The following LUC7L variants were observed in gnomAD, a reference collection of about 807,000 sequenced individuals.
The protein encoded by LUC7L is LUC7 like.
LUC7L carries 29 observed loss-of-function variants against 51.1 expected under a neutral mutation model. The observed-to-expected ratio is 0.57, with a 90% CI of 0.42 to 0.77. The LOEUF (loss-of-function observed/expected upper bound fraction) is 0.77, where lower values mean the gene tolerates loss of function less well. Ranked by LOEUF, LUC7L falls within the 30% of genes least tolerant of loss-of-function variation. The pLI is 0.00. For synonymous variants in LUC7L, 181 were observed against 180.7 expected, an observed-to-expected ratio of 1.00 and a Z score of -0.01; for missense variants, 403 against 511.9, an observed-to-expected ratio of 0.79 and a Z score of 2.05.
intron 3 of LUC7L, among the ~76,000 whole-genome samples, chr16:218,564 T>C (rs2049875267): frequency 6.6e-6 from 1 of 151,686 alleles, no homozygotes; most frequent in African/African-American, 2.4e-5. Context: ...CTACTAAAAA[T>C]ACAAAAATCA....
chr16:190,697 T>G (rs2142033606), intron 7 of LUC7L, 127 bp from the exon 8 acceptor site: 2 of 805,494 alleles, frequency 2.5e-6, no homozygotes, highest in South Asian at 1.5e-5. Flanking sequence ...CTGGACAACG[T>G]GGTGAAACCC....
intron 2 of LUC7L, among the ~76,000 whole-genome samples, chr16:226,109 A>G (rs1338156295): frequency 6.6e-6 from 1 of 152,208 alleles, no homozygotes; most frequent in Non-Finnish European, 1.5e-5. Flanking sequence ...ATCCCAGGCC[A>G]AACAGCAGAC....
intron 6 of LUC7L, among the ~76,000 whole-genome samples, chr16:198,049 G>A (rs942884751): frequency 1.3e-4 from 19 of 151,812 alleles, no homozygotes; most frequent in South Asian, 2.1e-4. Flanking sequence ...CGGGCGGATC[G>A]CGAGGTCAGG....
In LUC7L at chr16:189,150, G is replaced by C. The variant is rs1390108968; in HGVS notation, c.*48C>G. ...TCAGCAAATATAAAGGGTAATTTTA[G>C]ACTGTGTGAACGTTTATCAGACTAT... On this transcript the variant is annotated 3_prime_UTR_variant, in exon 10 of 10. Coordinates refer to ENST00000293872, the MANE Select transcript of LUC7L (RefSeq NM_201412.3). 2.6e-6 allele frequency: 4 copies of C among 1,545,962 alleles called. No homozygotes were observed. Among genetic ancestry groups the C allele is most frequent in the Non-Finnish European group, 3.5e-6 (4 of 1,134,848 alleles).
intron 1 of LUC7L, chr16:227,758 A>G: frequency 9.9e-7 from 1 of 1,006,058 alleles, no homozygotes; most frequent in Non-Finnish European, 1.2e-6. Flanking sequence ...TTTGTTATGA[A>G]CAAATGCAGA....
At chr16:227,475 C>G (rs1037562805) in intron 1 of LUC7L, 139 bp from the exon 2 acceptor site, 111 of 1,461,958 alleles carry the variant, frequency 7.6e-5, no homozygotes, top group Non-Finnish European at 8.8e-5. Flanking sequence ...AAAAGCTGAT[C>G]TAAAGATATT....
intron 2 of LUC7L, among the ~76,000 whole-genome samples, chr16:224,935 T>C (rs1220615692): frequency 6.6e-6 from 1 of 152,220 alleles, no homozygotes; most frequent in Admixed American, 6.5e-5. Flanking sequence ...GCTTGGGTTC[T>C]ATGATTACCC....
At chr16:222,732 G>A (rs908138877) in intron 2 of LUC7L, among the ~76,000 whole-genome samples, 6 of 150,916 alleles carry the variant, frequency 4.0e-5, no homozygotes, top group Admixed American at 2.0e-4. Flanking sequence ...CCAGGTTCAA[G>A]CGATTCTCCT....
chr16:214,571 G>C (rs1443939628), intron 3 of LUC7L, among the ~76,000 whole-genome samples: 1 of 152,026 alleles, frequency 6.6e-6, no homozygotes, highest in Non-Finnish European at 1.5e-5. Context: ...CTGTTCTCCA[G>C]GCTGGAGCAC....
chr16:195,156 G>A (rs1009123743), intron 6 of LUC7L, among the ~76,000 whole-genome samples: 11 of 152,188 alleles, frequency 7.2e-5, no homozygotes, highest in South Asian at 4.2e-4. Flanking sequence ...AGCCAGGTAC[G>A]GTGGCTCATG....
At chr16:225,816 A>G (rs1214273644) in intron 2 of LUC7L, among the ~76,000 whole-genome samples, 1 of 134,456 alleles carries the variant, frequency 7.4e-6, no homozygotes, top group Admixed American at 7.3e-5. Context: ...AAAAGAAAAG[A>G]AAAGAAAAGA....
At chr16:191,385 G>C (rs753834759) in intron 7 of LUC7L, among the ~76,000 whole-genome samples, 8 of 152,190 alleles carry the variant, frequency 5.3e-5, no homozygotes, top group African/African-American at 9.7e-5. Context: ...TTCTATGCCC[G>C]TAAGCCATTA....
rs539424725 is a variant in LUC7L at position 198,955 on chromosome 16, T to C, written c.687+107A>G. 1.0e-4 allele frequency: 114 copies of C among 1,116,106 alleles called. No homozygotes were observed. In the Admixed American group the frequency reaches 2.2e-3, roughly 22 times the overall value. The allele number at this position is 1,116,106 out of a possible 1,614,324, so 69.1% of individuals were successfully genotyped here. On this transcript the variant is annotated intron_variant, in intron 6 of 9. Transcript: ENST00000293872. ...TCGGCCTCCCAAAGTGCTGGGATTA[T>C]AGGCATCAGCCACCACGCCCGGCCA...
Position 206,153 on chromosome 16 carries a change from AG to A in LUC7L, c.367-7del, listed in dbSNP as rs1567181253. ...AACTCATGTACTTTTTCTGCCTGTGAGGAGAAAGAATGAGGTAAGCAGACAT... is the reference window on the plus strand; with the variant it reads ...AACTCATGTACTTTTTCTGCCTGTGAGAGAAAGAATGAGGTAAGCAGACAT... On this transcript the variant is annotated splice_region_variant and splice_polypyrimidine_tract_variant and intron_variant, in intron 4 of 9. Transcript: ENST00000293872. 6.2e-7 allele frequency: 1 copy of A among 1,611,810 alleles called. No homozygotes were observed. The highest frequency in any genetic ancestry group is 1.1e-5 in the South Asian group (1 of 90,258).
intron 3 of LUC7L, among the ~76,000 whole-genome samples, chr16:210,271 G>A (rs1036240995): frequency 6.6e-6 from 1 of 152,178 alleles, no homozygotes. Context: ...TGGGCAACAA[G>A]AGCGAGACTC....
intron 5 of LUC7L, among the ~76,000 whole-genome samples, chr16:204,622 A>C (rs1269500159): frequency 6.6e-6 from 1 of 152,066 alleles, no homozygotes; most frequent in African/African-American, 2.4e-5. Context: ...GAAAATTATA[A>C]GGAAGAGAAA....
chr16:202,546 T>C (rs2049365426), intron 5 of LUC7L, among the ~76,000 whole-genome samples: 1 of 152,200 alleles, frequency 6.6e-6, no homozygotes, highest in Non-Finnish European at 1.5e-5. Context: ...GCCTATAGTA[T>C]TCAGCACAGT....
intron 1 of LUC7L, chr16:228,035 T>G: frequency 8.9e-7 from 1 of 1,128,222 alleles, no homozygotes; most frequent in Non-Finnish European, 1.1e-6. Flanking sequence ...TGCCCGCTGT[T>G]GAAAAGTGTT....
At chr16:225,009 T>A (rs929678394) in intron 2 of LUC7L, among the ~76,000 whole-genome samples, 18 of 152,336 alleles carry the variant, frequency 1.2e-4, no homozygotes, top group African/African-American at 4.3e-4. Context: ...GCCATTCCCC[T>A]GGATGCCCAA....
Sources: gnomAD v4.1 joint callset for allele counts (sites outside exome capture counted in the v4.1 genomes callset) on GRCh38, gnomAD v4.1.1 for gene constraint, MANE v1.5 for transcripts, NCBI Gene and HGNC (gene_info 2026-07-23, HGNC 2026-07-21) for gene names.